KCNAB1: variants seen among roughly 807,000 people sequenced by gnomAD.
KCNAB1 encodes potassium voltage-gated channel subfamily A regulatory beta subunit 1, also known as voltage-gated potassium channel subunit beta-1.
A neutral mutation model predicts 64.6 loss-of-function variants in KCNAB1; 35 were observed. The observed-to-expected ratio is 0.54, with a 90% CI of 0.41 to 0.72. The LOEUF is 0.72. Among genes scored for constraint, KCNAB1 ranks in the 30% least tolerant of loss-of-function variants. The pLI is 0.00. For missense variants in KCNAB1, 401 were observed against 512.9 expected, an observed-to-expected ratio of 0.78 and a Z score of 2.11; for synonymous variants, 177 against 183.8, an observed-to-expected ratio of 0.96 and a Z score of 0.30.
chr3:156,263,325 T>A (rs1718530611), intron 1 of KCNAB1, among the ~76,000 whole-genome samples: 1 of 152,008 alleles, frequency 6.6e-6, no homozygotes. Context: ...ATTAAAATTT[T>A]ATTTTCATTC....
intron 1 of KCNAB1, among the ~76,000 whole-genome samples, chr3:156,388,837 G>A (rs1228604510): frequency 6.6e-6 from 1 of 152,196 alleles, no homozygotes; most frequent in Non-Finnish European, 1.5e-5. Flanking sequence ...TGAGGGCTTA[G>A]TATCCAAGCT....
Position 156,249,814 on chromosome 3 carries a change from C to G in KCNAB1, c.275+128928C>G, listed in dbSNP as rs964390203. 3.3e-5 allele frequency among the ~76,000 whole-genome samples: 5 copies of G among 152,148 alleles called. No homozygotes were observed. The South Asian group carries it at 6.2e-4, about 19-fold the overall frequency. On this transcript the variant is annotated intron_variant, in intron 1 of 13. Transcript: ENST00000490337. ...AAAGAGTTGTTGGAAAATGTAGTCT[C>G]TAGCTCAGCAGGCTTCTGTCAACAC... is the stretch of plus-strand genomic sequence containing the variant.
chr3:156,521,548 A>G (rs144683694), intron 11 of KCNAB1, among the ~76,000 whole-genome samples: 1 of 152,166 alleles, frequency 6.6e-6, no homozygotes, highest in African/African-American at 2.4e-5. Flanking sequence ...CCAACATGTA[A>G]TCAAATCATT....
chr3:156,280,007 A>G (rs972720391), intron 1 of KCNAB1, among the ~76,000 whole-genome samples: 4 of 149,644 alleles, frequency 2.7e-5, no homozygotes, highest in South Asian at 4.3e-4. Context: ...TTTTGTTGCC[A>G]TTGCTTTTGG....
chr3:156,464,755 C>T (rs1284845597), intron 6 of KCNAB1, among the ~76,000 whole-genome samples: 2 of 151,972 alleles, frequency 1.3e-5, no homozygotes, highest in Non-Finnish European at 2.9e-5. Context: ...GTAATCTGTA[C>T]AAAAATAAAG....
At chr3:156,358,507 G>C (rs1725404626) in intron 1 of KCNAB1, among the ~76,000 whole-genome samples, 1 of 152,134 alleles carries the variant, frequency 6.6e-6, no homozygotes, top group Admixed American at 6.5e-5. Flanking sequence ...CCCTCATCTT[G>C]CCTCCCAATC....
rs181407441 is a variant in KCNAB1 at position 156,181,935 on chromosome 3, A to C, written c.275+61049A>C. Among the ~76,000 whole-genome samples the C allele has an allele frequency of 5.3e-5, 8 of 152,302 alleles. No homozygotes were observed. The East Asian group carries it at 1.5e-3, about 29-fold the overall frequency. On this transcript the variant is annotated intron_variant, in intron 1 of 13. Coordinates refer to ENST00000490337, the MANE Select transcript of KCNAB1 (RefSeq NM_172160.3). ...GGAGTGACATTGGAGTATATAAAAG[A>C]TTATTAAGTTATATGAAAAGTTTTA...
intron 1 of KCNAB1, among the ~76,000 whole-genome samples, chr3:156,279,691 T>A (rs1168253168): frequency 6.6e-6 from 1 of 152,318 alleles, no homozygotes; most frequent in South Asian, 2.1e-4. Context: ...TCATTGTGGT[T>A]TTGATTTGCA....
At chr3:156,519,782 G>A (rs940756104) in intron 11 of KCNAB1, among the ~76,000 whole-genome samples, 1 of 152,156 alleles carries the variant, frequency 6.6e-6, no homozygotes, top group Non-Finnish European at 1.5e-5. Flanking sequence ...AAAACTGGTG[G>A]TTGCAGGCTT....
chr3:156,358,842 G>A (rs552983074), intron 1 of KCNAB1, among the ~76,000 whole-genome samples: 1 of 152,104 alleles, frequency 6.6e-6, no homozygotes, highest in Non-Finnish European at 1.5e-5. Flanking sequence ...CTAGAAGCAT[G>A]TCTGATGAAT....
intron 1 of KCNAB1, among the ~76,000 whole-genome samples, chr3:156,226,605 T>C (rs1179381476): frequency 1.3e-5 from 2 of 152,002 alleles, no homozygotes; most frequent in Non-Finnish European, 2.9e-5. Context: ...AAAGAAATAA[T>C]CAGCAGGGTT....
At chr3:156,342,609 A>ATTTTTTTTTTTTTTTTTTTTTT (rs59689669) in intron 1 of KCNAB1, among the ~76,000 whole-genome samples, 6 of 104,694 alleles carry the variant, frequency 5.7e-5, no homozygotes, top group Admixed American at 2.1e-4. Context: ...TTTTTTTTTA[A>ATTTTTTTTTTTTTTTTTTTTTT]TTTTTTTTTT....
intron 1 of KCNAB1, among the ~76,000 whole-genome samples, chr3:156,264,878 A>C (rs1397807515): frequency 6.6e-6 from 1 of 152,216 alleles, no homozygotes; most frequent in Non-Finnish European, 1.5e-5. Context: ...TTTCCATTTC[A>C]GTGTCTGATT....
chr3:156,174,033 C>T (rs1036717922), intron 1 of KCNAB1, among the ~76,000 whole-genome samples: 2 of 152,222 alleles, frequency 1.3e-5, no homozygotes, highest in South Asian at 2.1e-4. Context: ...ACACCACCAA[C>T]TTTCCTGAGT....
chr3:156,299,519 C>A (rs551099057), intron 1 of KCNAB1, among the ~76,000 whole-genome samples: 24 of 124,262 alleles, frequency 1.9e-4, no homozygotes, highest in African/African-American at 1.0e-3. Flanking sequence ...TATGATTGAA[C>A]ATTGCCACAT....
chr3:156,232,137 A>G (rs559302912), intron 1 of KCNAB1, among the ~76,000 whole-genome samples: 160 of 152,342 alleles, frequency 1.1e-3, no homozygotes, highest in African/African-American at 3.8e-3. Flanking sequence ...TCTAAATAAT[A>G]TTACTTAGAA....
intron 1 of KCNAB1, among the ~76,000 whole-genome samples, chr3:156,128,960 C>T (rs558644343): frequency 6.6e-6 from 1 of 152,304 alleles, no homozygotes; most frequent in Non-Finnish European, 1.5e-5. Flanking sequence ...CAAAAATCCT[C>T]AAGGTGATAC....
intron 2 of KCNAB1, among the ~76,000 whole-genome samples, chr3:156,434,957 T>C (rs1238389824): frequency 6.6e-6 from 1 of 152,178 alleles, no homozygotes; most frequent in South Asian, 2.1e-4. Context: ...TGAAGGCAGG[T>C]AGTTTGATGA....
chr3:156,397,220 T>G (rs1220105176), intron 1 of KCNAB1, among the ~76,000 whole-genome samples: 1 of 152,216 alleles, frequency 6.6e-6, no homozygotes, highest in Non-Finnish European at 1.5e-5. Context: ...AATCAGCCAC[T>G]GAACTTCTCT....
Sources: gnomAD v4.1 joint callset for allele counts (sites outside exome capture counted in the v4.1 genomes callset) on GRCh38, gnomAD v4.1.1 for gene constraint, MANE v1.5 for transcripts, NCBI Gene and HGNC (gene_info 2026-07-23, HGNC 2026-07-21) for gene names.